GABBR2: variants seen among roughly 807,000 people sequenced by gnomAD.
GABBR2 encodes the protein gamma-aminobutyric acid type B receptor subunit 2.
Under a neutral mutation model 105.6 loss-of-function variants are expected in GABBR2, and 23 were observed. The observed-to-expected ratio is 0.22, with a 90% CI of 0.16 to 0.31. GABBR2 has a LOEUF of 0.31. GABBR2 is among the 10% of genes least tolerant of loss of function. GABBR2 has a pLI of 1.00. For synonymous variants in GABBR2, 478 were observed against 499.7 expected (o/e 0.96, Z 0.58); for missense variants, 734 against 1,245.5 (o/e 0.59, Z 6.18).
At chr9:98,527,314 T>C (rs6478743) in intron 3 of GABBR2, among the ~76,000 whole-genome samples, 21,954 of 151,794 alleles carry the variant, frequency 0.14, 2,464 homozygotes, top group African/African-American at 0.31. Context: ...GAATTAGAAC[T>C]CAGACGGTCA....
chr9:98,552,046 G>A (rs891878496), intron 2 of GABBR2: 3 of 152,086 alleles, frequency 2.0e-5, no homozygotes, highest in Admixed American at 6.5e-5. Context: ...TTGCAGATAC[G>A]AACCCAGACG....
intron 15 of GABBR2, chr9:98,304,077 G>A (rs1389982480): frequency 6.6e-6 from 1 of 152,296 alleles, no homozygotes; most frequent in Middle Eastern, 3.2e-3. Flanking sequence ...GAAAGCAGGA[G>A]CTGAGTGACC....
intron 13 of GABBR2, among the ~76,000 whole-genome samples, chr9:98,319,016 G>A (rs1008033758): frequency 5.3e-5 from 8 of 152,110 alleles, no homozygotes; most frequent in Admixed American, 5.2e-4. Context: ...TTCCTGGGAA[G>A]GCAGGTGAGT....
At chr9:98,693,706 GT>G (rs1202680034) in intron 1 of GABBR2, among the ~76,000 whole-genome samples, 1 of 152,218 alleles carries the variant, frequency 6.6e-6, no homozygotes, top group East Asian at 1.9e-4. Context: ...CATCTCACAA[GT>G]TTTAAGCTCT....
chr9:98,503,799 G>C (rs146956497), intron 3 of GABBR2, among the ~76,000 whole-genome samples: 1 of 152,104 alleles, frequency 6.6e-6, no homozygotes, highest in Admixed American at 6.5e-5. Flanking sequence ...TGGGGCTGCC[G>C]TCACCTAAAG....
chr9:98,704,416 T>C (rs337556), intron 1 of GABBR2, among the ~76,000 whole-genome samples: 110,775 of 152,012 alleles, frequency 0.73, 41,057 homozygotes, highest in Middle Eastern at 0.84. Flanking sequence ...TTTAAGATAG[T>C]AACACATGAG....
intron 7 of GABBR2, among the ~76,000 whole-genome samples, chr9:98,440,088 C>T (rs570071433): frequency 2.0e-5 from 3 of 152,324 alleles, no homozygotes; most frequent in Admixed American, 2.0e-4. Context: ...TACACCTGCT[C>T]CTAGGGCCAG....
intron 13 of GABBR2, among the ~76,000 whole-genome samples, chr9:98,325,064 GTC>G (rs1165045876): frequency 2.6e-5 from 4 of 152,072 alleles, no homozygotes; most frequent in Non-Finnish European, 4.4e-5. Flanking sequence ...TTAGGGTACA[GTC>G]TCTGCCAACG....
chr9:98,289,027 A>G lies in GABBR2; in HGVS notation c.*1557T>C, dbSNP rs9696283. On this transcript the variant is annotated 3_prime_UTR_variant, in exon 19 of 19. Coordinates refer to ENST00000259455, the MANE Select transcript of GABBR2 (RefSeq NM_005458.8). Reference sequence around the variant, plus strand: ...ATTGTCATTCAGGCCTTTCTTGAGCAAAGAATGAACCTGTCTAGGAATGTC... The same window carrying G: ...ATTGTCATTCAGGCCTTTCTTGAGCGAAGAATGAACCTGTCTAGGAATGTC... The G allele has an allele frequency of 0.16, 23,799 of 152,636 alleles. 1,958 individuals carry two copies. The highest frequency in any genetic ancestry group is 0.18 in the Admixed American group (2,733 of 15,284). The allele number at this position is 152,636 out of a possible 1,614,324, so 9.5% of individuals were successfully genotyped here. A position where few individuals can be genotyped will look rare whatever the true frequency, so the allele number is the denominator to read the frequency against.
intron 1 of GABBR2, among the ~76,000 whole-genome samples, chr9:98,616,451 G>A (rs187500487): frequency 6.4e-4 from 97 of 152,268 alleles, no homozygotes; most frequent in African/African-American, 2.2e-3. Context: ...CAGACAAACC[G>A]AATGAGCCTT....
In GABBR2 at chr9:98,385,715, G is replaced by A. The variant is rs3205936; in HGVS notation, c.1587C>T (p.Leu529=). The A allele has an allele frequency of 9.1e-3, 14,671 of 1,605,760 alleles. 1,188 individuals are homozygous for A. In the African/African-American group the frequency reaches 0.17, roughly 19 times the overall value. Residue 529 remains leucine, a synonymous_variant, in exon 11 of 19, where the codon CTC becomes CTT. Transcript: ENST00000259455. ...MNNLIILGGM[L]SYASIFLFGL... is the part of the protein sequence containing the mutation. The stretch of plus-strand genomic sequence containing the variant: ...CAAAGAGAAATATGGAAGCATAGGA[G>A]AGCATCCCTCCAAGGATGATAAGGT...
intron 1 of GABBR2, among the ~76,000 whole-genome samples, chr9:98,679,899 C>T (rs1383476116): frequency 1.3e-5 from 2 of 152,256 alleles, no homozygotes; most frequent in African/African-American, 2.4e-5. Flanking sequence ...AATCAACTAT[C>T]TCCACAACTA....
Position 98,708,617 on chromosome 9 carries a change from C to A in GABBR2, c.121G>T (p.Gly41Cys), listed in dbSNP as rs1588292057. The A allele has an allele frequency of 7.7e-7, 1 of 1,306,408 alleles. No homozygotes were observed. 80.9% of individuals were successfully genotyped at this position (1,306,408 alleles called of 1,614,324 possible). ...GGCCGGGGGGCGCCCCGCGCCCAGCCCCAGGCCCCGGGCGCCAGAGGCAGC... is the reference window on the plus strand; with the variant it reads ...GGCCGGGGGGCGCCCCGCGCCCAGCACCAGGCCCCGGGCGCCAGAGGCAGC... ...LLLPLAPGAW[G>C]WARGAPRPPP... Residue 41 changes from glycine to cysteine, a missense_variant, in exon 1 of 19, where the codon GGC becomes TGC. Transcript: ENST00000259455.
chr9:98,429,208 C>T (rs1409263073), intron 7 of GABBR2, among the ~76,000 whole-genome samples: 5 of 151,826 alleles, frequency 3.3e-5, no homozygotes, highest in Non-Finnish European at 5.9e-5. Context: ...GGTGCAATCT[C>T]GGCTCACTGC....
At chr9:98,509,275 A>G (rs979820544) in intron 3 of GABBR2, among the ~76,000 whole-genome samples, 3 of 152,212 alleles carry the variant, frequency 2.0e-5, no homozygotes, top group Non-Finnish European at 2.9e-5. Flanking sequence ...TCTGTACGTC[A>G]CCATCATCAA....
chr9:98,535,104 G>C (rs1054977754), intron 3 of GABBR2, among the ~76,000 whole-genome samples: 2 of 151,868 alleles, frequency 1.3e-5, no homozygotes, highest in Admixed American at 6.6e-5. Flanking sequence ...TTTTTTTTCA[G>C]GGGGGCACCG....
chr9:98,560,439 A>T (rs1404408675), intron 2 of GABBR2, among the ~76,000 whole-genome samples: 1 of 144,380 alleles, frequency 6.9e-6, no homozygotes, highest in Non-Finnish European at 1.5e-5. Context: ...ACACACACAC[A>T]CATACACACA....
At position 98,671,317 on chromosome 9, in the gene GABBR2, T is replaced by C. The variant is rs149518936; in HGVS notation, c.321+37100A>G. 2.6e-5 allele frequency among the ~76,000 whole-genome samples: 4 copies of C among 152,390 alleles called. No homozygotes were observed. The East Asian group carries it at 7.7e-4, about 29-fold the overall frequency. On this transcript the variant is annotated intron_variant, in intron 1 of 18. Transcript: ENST00000259455. ...TTTAAGGCCCATCCATGTCGTAGCA[T>C]GCATCAGTACTCCATTCCTTTTTAT...
intron 1 of GABBR2, among the ~76,000 whole-genome samples, chr9:98,660,950 G>A (rs1777482919): frequency 6.6e-6 from 1 of 152,160 alleles, no homozygotes; most frequent in Non-Finnish European, 1.5e-5. Flanking sequence ...CTGTTGCCTA[G>A]GCTGGAGTGC....
Sources: allele counts gnomAD v4.1 joint callset (sites outside exome capture counted in the v4.1 genomes callset), GRCh38; gene constraint gnomAD v4.1.1; transcripts MANE v1.5; gene names NCBI Gene and HGNC (gene_info 2026-07-23, HGNC 2026-07-21).